The following TRPM3 variants were observed in gnomAD, a reference collection of about 807,000 sequenced individuals.
TRPM3 encodes transient receptor potential cation channel subfamily M member 3.
A neutral mutation model predicts 181.2 loss-of-function variants in TRPM3; 77 were observed. The observed-to-expected ratio is 0.42, with a 90% CI of 0.35 to 0.51. TRPM3 has a LOEUF of 0.51. Ranked by LOEUF, TRPM3 falls within the 20% of genes least tolerant of loss-of-function variation. The pLI is 0.01. For missense variants in TRPM3, 1,759 were observed against 2,196.7 expected, an observed-to-expected ratio of 0.80 and a Z score of 3.98; for synonymous variants, 745 against 796.4, an observed-to-expected ratio of 0.94 and a Z score of 1.09.
intron 9 of TRPM3, among the ~76,000 whole-genome samples, chr9:70,672,892 G>A (rs2063251788): frequency 6.6e-6 from 1 of 152,122 alleles, no homozygotes; most frequent in African/African-American, 2.4e-5. Flanking sequence ...CAGCTGGTAA[G>A]TGTGCCGAGA....
chr9:71,428,400 G>GT (rs200408385), intron 1 of TRPM3, among the ~76,000 whole-genome samples: 2,891 of 151,590 alleles, frequency 0.019, 44 homozygotes, highest in Non-Finnish European at 0.028. Context: ...CAGTCAGCCT[G>GT]TTTTTTTTAA....
chr9:71,220,984 A>ACATT (rs2080205202), intron 1 of TRPM3, among the ~76,000 whole-genome samples: 2 of 152,126 alleles, frequency 1.3e-5, no homozygotes, highest in African/African-American at 4.8e-5. Flanking sequence ...ATTCCAAGGT[A>ACATT]GTACAATGTG....
chr9:71,123,144 C>T (rs1002651845), upstream of TRPM3, among the ~76,000 whole-genome samples: 1 of 152,202 alleles, frequency 6.6e-6, no homozygotes, highest in African/African-American at 2.4e-5. Context: ...TAAAGACAAG[C>T]TTTCTCTTGT....
chr9:71,284,355 T>C (rs2085097732), intron 1 of TRPM3, among the ~76,000 whole-genome samples: 1 of 152,224 alleles, frequency 6.6e-6, no homozygotes, highest in South Asian at 2.1e-4. Context: ...TTTGTCTCAA[T>C]ATTGGGAGAG....
intron 1 of TRPM3, among the ~76,000 whole-genome samples, chr9:71,428,246 C>T (rs1429345341): frequency 6.6e-6 from 1 of 150,754 alleles, no homozygotes; most frequent in Non-Finnish European, 1.5e-5. Flanking sequence ...CGCCCGCCAC[C>T]ATGCCCGGCT....
At chr9:71,233,966 T>C (rs1463743216) in intron 1 of TRPM3, among the ~76,000 whole-genome samples, 1 of 152,250 alleles carries the variant, frequency 6.6e-6, no homozygotes, top group East Asian at 1.9e-4. Context: ...ATGTAACAAA[T>C]TGTTCCCAGA....
At chr9:71,158,733 G>A (rs2076126936) in intron 1 of TRPM3, among the ~76,000 whole-genome samples, 1 of 152,024 alleles carries the variant, frequency 6.6e-6, no homozygotes, top group Admixed American at 6.6e-5. Context: ...ATTATTTCTG[G>A]TCCTGTCTAT....
intron 22 of TRPM3, among the ~76,000 whole-genome samples, chr9:70,576,003 T>A (rs1490530827): frequency 6.6e-6 from 1 of 152,252 alleles, no homozygotes; most frequent in East Asian, 1.9e-4. Context: ...AGCTGCCTCT[T>A]TCCAACTTGT....
At chr9:71,390,566 G>A (rs535191284) in intron 1 of TRPM3, among the ~76,000 whole-genome samples, 4 of 152,036 alleles carry the variant, frequency 2.6e-5, no homozygotes, top group African/African-American at 9.6e-5. Flanking sequence ...GTTTATAGCT[G>A]GAAAATGAGT....
chr9:71,158,405 G>T (rs552471390), intron 1 of TRPM3, among the ~76,000 whole-genome samples: 4 of 152,074 alleles, frequency 2.6e-5, no homozygotes, highest in Non-Finnish European at 5.9e-5. Context: ...GTCATATCCA[G>T]TAAGGATGAA....
chr9:71,387,187 T>C lies in TRPM3; in HGVS notation c.183+59466A>G, dbSNP rs148280207. ...ATCTAAAAGGGCAATGGTTTCCTAA[T>C]TATGGATGGAAAGTAAGCCAGTTAA... On this transcript the variant is annotated intron_variant, in intron 1 of 24. Coordinates refer to the TRPM3 transcript ENST00000357533. 1.1e-3 allele frequency among the ~76,000 whole-genome samples: 167 copies of C among 152,304 alleles called. 1 individual carries two copies. The highest frequency in any genetic ancestry group is 1.2e-3 in the East Asian group (6 of 5,184).
chr9:71,090,523 T>A (rs952743619), intron 1 of TRPM3, among the ~76,000 whole-genome samples: 2 of 152,184 alleles, frequency 1.3e-5, no homozygotes, highest in Admixed American at 1.3e-4. Context: ...CTCATCTGTA[T>A]CAAGGTGTCC....
intron 1 of TRPM3, among the ~76,000 whole-genome samples, chr9:71,270,033 GTTC>G (rs1194872399): frequency 3.3e-5 from 5 of 152,112 alleles, no homozygotes; most frequent in African/African-American, 2.4e-5. Flanking sequence ...GTCATATCCG[GTTC>G]TTTTCTCATA....
intron 4 of TRPM3, among the ~76,000 whole-genome samples, chr9:70,844,547 C>A (rs1035179196): frequency 1.3e-5 from 2 of 152,190 alleles, no homozygotes; most frequent in South Asian, 4.1e-4. Context: ...GTTTCCAATA[C>A]AAAACTCCTT....
chr9:71,267,476 T>G (rs2083466041), intron 1 of TRPM3, among the ~76,000 whole-genome samples: 1 of 152,094 alleles, frequency 6.6e-6, no homozygotes, highest in Non-Finnish European at 1.5e-5. Context: ...GCTAAATAAA[T>G]GGGTGCTATT....
chr9:70,787,214 C>A (rs2083871418), intron 6 of TRPM3, among the ~76,000 whole-genome samples: 1 of 152,034 alleles, frequency 6.6e-6, no homozygotes, highest in African/African-American at 2.4e-5. Context: ...AAACTAATTA[C>A]CAATTAAAAT....
At chr9:70,568,596 A>G (rs755733224) in intron 22 of TRPM3, among the ~76,000 whole-genome samples, 22 of 152,232 alleles carry the variant, frequency 1.4e-4, no homozygotes, top group Non-Finnish European at 2.5e-4. Context: ...AAAGAATACA[A>G]AGTAGATACT....
intron 4 of TRPM3, among the ~76,000 whole-genome samples, 157 bp downstream of exon 4, chr9:70,846,221 T>TCA (rs780081941): frequency 2.8e-4 from 43 of 152,206 alleles, no homozygotes; most frequent in Non-Finnish European, 4.7e-4. Context: ...TTTACAGTTC[T>TCA]CATTTAGATA....
intron 19 of TRPM3, among the ~76,000 whole-genome samples, chr9:70,608,035 G>A (rs1304542491): frequency 6.6e-6 from 1 of 152,220 alleles, no homozygotes; most frequent in African/African-American, 2.4e-5. Flanking sequence ...CAATCACCGA[G>A]TTTCGGTCAA....
Sources: gnomAD v4.1 joint callset for allele counts (sites outside exome capture counted in the v4.1 genomes callset) on GRCh38, gnomAD v4.1.1 for gene constraint, MANE v1.5 for transcripts, NCBI Gene and HGNC (gene_info 2026-07-23, HGNC 2026-07-21) for gene names.